The following NF1 variants were observed in gnomAD, a reference collection of about 807,000 sequenced individuals.
NF1 encodes neurofibromin 1.
In NF1, 122 loss-of-function variants were observed where a neutral mutation model predicts 325.7. The ratio of observed to expected loss-of-function variants is 0.37; its 90% CI spans 0.32 to 0.44. NF1 has a LOEUF of 0.44. Among genes scored for constraint, NF1 ranks in the 20% least tolerant of loss-of-function variants. The pLI is 1.00. For synonymous variants in NF1, 1,091 were observed against 1,186.0 expected (o/e 0.92, Z 1.65); for missense variants, 2,140 against 3,415.4 (o/e 0.63, Z 9.31).
At chr17:31,367,579 A>G (rs2070551094) in intron 57 of NF1, among the ~76,000 whole-genome samples, 1 of 152,242 alleles carries the variant, frequency 6.6e-6, no homozygotes, top group Non-Finnish European at 1.5e-5. Flanking sequence ...TAATAGAGAA[A>G]GAGCAGAATA....
chr17:31,282,428 G>A (rs750388366), intron 36 of NF1, among the ~76,000 whole-genome samples: 31 of 150,202 alleles, frequency 2.1e-4, no homozygotes, highest in Non-Finnish European at 4.1e-4. Context: ...TCAGAGTTGT[G>A]TACTCATTAC....
intron 36 of NF1, chr17:31,295,177 G>A (rs1455036168): frequency 6.2e-7 from 1 of 1,614,150 alleles, no homozygotes; most frequent in East Asian, 2.2e-5. Flanking sequence ...TATTTGGCAT[G>A]CCACTAGTGA....
chr17:31,295,398 T>C lies in NF1; in HGVS notation c.4835+30059T>C, dbSNP rs1360776159. The C allele has an allele frequency of 1.2e-6, 2 of 1,614,048 alleles. No homozygotes were observed. The highest frequency in any genetic ancestry group is 1.7e-6 in the Non-Finnish European group (2 of 1,180,030). On this transcript the variant is annotated intron_variant, in intron 36 of 57. Coordinates refer to ENST00000358273, the MANE Select transcript of NF1 (RefSeq NM_001042492.3). ...TTGCTTAGAGTGGCACCAAACGTTG[T>C]TTCCTTTGTTCGATATTGTTTGGGT...
chr17:31,293,254 A>C (rs16972161), intron 36 of NF1, among the ~76,000 whole-genome samples: 2,160 of 143,976 alleles, frequency 0.015, 60 homozygotes, highest in African/African-American at 0.05. Flanking sequence ...GTTTTTTTAA[A>C]TAAGACACAA....
At chr17:31,130,156 A>G (rs1183367781) in intron 1 of NF1, among the ~76,000 whole-genome samples, 9 of 144,414 alleles carry the variant, frequency 6.2e-5, no homozygotes, top group Non-Finnish European at 1.0e-4. Context: ...AACTGGCTTC[A>G]TTACTGGAGG....
intron 36 of NF1, among the ~76,000 whole-genome samples, chr17:31,310,111 T>A (rs1210179735): frequency 6.6e-6 from 1 of 152,160 alleles, no homozygotes; most frequent in Non-Finnish European, 1.5e-5. Flanking sequence ...GGAAGGTTAT[T>A]TAGCATACAC....
chr17:31,114,202 C>T (rs1051793476), intron 1 of NF1, among the ~76,000 whole-genome samples: 1 of 152,188 alleles, frequency 6.6e-6, no homozygotes, highest in African/African-American at 2.4e-5. Flanking sequence ...ATATTTATAA[C>T]TACTTCTGCT....
At chr17:31,267,227 T>G (rs1330870153) in intron 36 of NF1, among the ~76,000 whole-genome samples, 2 of 152,148 alleles carry the variant, frequency 1.3e-5, no homozygotes, top group African/African-American at 4.8e-5. Context: ...CCACTGCACC[T>G]GGCCTTAGCT....
intron 36 of NF1, among the ~76,000 whole-genome samples, chr17:31,268,938 T>C (rs1171737684): frequency 1.3e-5 from 2 of 152,050 alleles, no homozygotes; most frequent in Admixed American, 6.6e-5. Flanking sequence ...ACTCCTGGGC[T>C]CAAGCAATCC....
rs2069325289 is a variant in NF1, at chr17:31,325,821, T to A, written c.4837T>A (p.Phe1613Ile). ...TGTCTTTTTTGTCATTTTCCTTAGG[T>A]TCAAAACTGGTCAAATCAATGGTGA... Reference protein sequence around the residue: ...NPIFYYVARRFKTGQINGDLL... With the variant: ...NPIFYYVARRIKTGQINGDLL... The change falls in exon 37 of 58, where the codon TTC becomes ATC. Residue 1613 changes from phenylalanine (F) to isoleucine (I), a missense_variant and splice_region_variant. Coordinates refer to ENST00000358273, the MANE Select transcript of NF1 (RefSeq NM_001042492.3). The A allele has an allele frequency of 6.2e-7, 1 of 1,613,722 alleles. No homozygotes were observed. Among genetic ancestry groups the A allele is most frequent in the Non-Finnish European group, 8.5e-7 (1 of 1,179,700 alleles).
At chr17:31,165,781 C>T (rs1170086631) in intron 4 of NF1, among the ~76,000 whole-genome samples, 1 of 152,110 alleles carries the variant, frequency 6.6e-6, no homozygotes, top group Non-Finnish European at 1.5e-5. Flanking sequence ...CCTCGACCTC[C>T]TGGGCTCAAG....
rs1419689685 is a variant in NF1 at position 31,260,350 on chromosome 17, T to C, written c.4431-19T>C. On this transcript the variant is annotated intron_variant, in intron 33 of 57. Transcript: ENST00000358273. ...GTGTATCTGGTGTTGAAAATTCTAATGACTTTGCATTTTTGAAGGTTTTTC... is the reference window on the plus strand; with the variant it reads ...GTGTATCTGGTGTTGAAAATTCTAACGACTTTGCATTTTTGAAGGTTTTTC... 2 of 1,612,990 alleles carry C rather than the reference T, an allele frequency of 1.2e-6. No homozygotes were observed. The highest frequency in any genetic ancestry group is 8.5e-7 in the Non-Finnish European group (1 of 1,179,464).
At chr17:31,133,561 G>C (rs1382424145) in intron 1 of NF1, 5 of 152,156 alleles carry the variant, frequency 3.3e-5, no homozygotes, top group Non-Finnish European at 7.4e-5. Context: ...CTGTTTTACT[G>C]TTTTCCATAG....
At chr17:31,310,591 A>G (rs2068845041) in intron 36 of NF1, among the ~76,000 whole-genome samples, 1 of 152,094 alleles carries the variant, frequency 6.6e-6, no homozygotes, top group African/African-American at 2.4e-5. Flanking sequence ...TTTACCTTTC[A>G]TTTCAGGCTC....
At chr17:31,170,326 T>C (rs1414918216) in intron 5 of NF1, among the ~76,000 whole-genome samples, 2 of 152,228 alleles carry the variant, frequency 1.3e-5, no homozygotes, top group Non-Finnish European at 2.9e-5. Context: ...TTATAGAAGC[T>C]ATCTGTTTAG....
intron 42 of NF1, 134 bp from the exon 43 acceptor site, chr17:31,337,234 G>T: frequency 1.3e-6 from 1 of 762,484 alleles, no homozygotes; most frequent in Non-Finnish European, 2.2e-6. Context: ...TGTATCTAGA[G>T]GTTTGATTTA....
intron 1 of NF1, among the ~76,000 whole-genome samples, chr17:31,147,986 T>C (rs549411929): frequency 6.6e-6 from 1 of 152,202 alleles, no homozygotes; most frequent in Non-Finnish European, 1.5e-5. Context: ...TCAATCTGTT[T>C]TCCTGACCAG....
In NF1 at chr17:31,259,045, T is replaced by C. The variant is rs1410459904; in HGVS notation, c.4346T>C (p.Ile1449Thr). Residue 1449 changes from isoleucine (I) to threonine (T), a missense_variant, in exon 33 of 58, where the codon ATT (isoleucine) becomes ACT (threonine). Ile to Thr is a moderately conservative substitution (Grantham distance 89, BLOSUM62 -1). Transcript: ENST00000358273. ...TTTATTGTGTAGATACTTCAGAGTA[T>C]TGCCAATCATGTTCTCTTCACAAAA... ...LKLMSKILQS[I>T]ANHVLFTKEE... 3.1e-6 allele frequency: 5 copies of C among 1,598,242 alleles called. No individual in the cohort carries two copies. In the Admixed American group the frequency reaches 6.8e-5, roughly 22 times the overall value.
intron 1 of NF1, among the ~76,000 whole-genome samples, chr17:31,151,480 TC>T (rs1008900950): frequency 2.2e-4 from 34 of 152,318 alleles, no homozygotes; most frequent in African/African-American, 8.2e-4. Context: ...TTTCCAGGGT[TC>T]TTGCCGTTTA....
Sources: gnomAD v4.1 joint callset for allele counts (sites outside exome capture counted in the v4.1 genomes callset) on GRCh38, gnomAD v4.1.1 for gene constraint, MANE v1.5 for transcripts, NCBI Gene and HGNC (gene_info 2026-07-23, HGNC 2026-07-21) for gene names.